Variants in ZAN observed in about 807,000 individuals in gnomAD.
The protein encoded by ZAN is zonadhesin (gene/pseudogene).
A neutral mutation model predicts 286.2 loss-of-function variants in ZAN; 260 were observed. The ratio of observed to expected loss-of-function variants is 0.91; its 90% CI spans 0.82 to 1.01. ZAN has a LOEUF of 1.01. Ranked by LOEUF, ZAN falls within the 50% of genes least tolerant of loss-of-function variation. The pLI is 0.00. For synonymous variants in ZAN, 1,368 were observed against 1,417.5 expected (o/e 0.97, Z 0.79); for missense variants, 3,410 against 3,639.2 (o/e 0.94, Z 1.62).
In ZAN at chr7:100,792,031, C is replaced by A; in HGVS notation, c.7595C>A (p.Ser2532Tyr). 6.2e-7 allele frequency: 1 copy of A among 1,613,322 alleles called. No individual in the cohort carries two copies. Among genetic ancestry groups the A allele is most frequent in the Non-Finnish European group, 8.5e-7 (1 of 1,179,786 alleles). ...GGCCTCCGCACGGGCCTCCAAGTGTCCGAATGTAGCCCGGAGCAGCTGGCG... is the reference window on the plus strand; with the variant it reads ...GGCCTCCGCACGGGCCTCCAAGTGTACGAATGTAGCCCGGAGCAGCTGGCG... ...ELGLRTGLQVSECSPEQLASN... is the reference protein window; with the variant it reads ...ELGLRTGLQVYECSPEQLASN... The change falls in exon 41 of 48, where the codon TCC becomes TAC. Residue 2532 changes from serine to tyrosine, a missense_variant. Physicochemically the swap from Ser to Tyr is moderately radical, Grantham distance 144. This residue lies in a region of ZAN where 1,289 missense variants were observed against 1,314.3 expected (regional missense o/e 0.98). Coordinates refer to ENST00000613979, the MANE Select transcript of ZAN (RefSeq NM_003386.3).
chr7:100,779,483 G>A lies in ZAN; in HGVS notation c.6355G>A (p.Ala2119Thr), dbSNP rs969969221. The A allele has an allele frequency of 3.1e-6, 5 of 1,610,974 alleles. No homozygotes were observed. The Middle Eastern group carries it at 4.9e-4, about 159-fold the overall frequency. ...SLLVDEQQIP[A>T]EQQENPSGNC... The stretch of plus-strand genomic sequence containing the variant: ...CCTGGTAGATGAGCAGCAGATTCCA[G>A]CGGAACAGCAGGAGAACCCGAGTGG... Residue 2119 changes from alanine (A) to threonine (T), a missense_variant, in exon 35 of 48, where the codon GCG becomes ACG. By Grantham distance (58) the Ala-to-Thr change is moderately conservative (BLOSUM62 0). Around this residue, in one of 7 missense-constraint regions of ZAN, gnomAD observed 1,289 missense variants for 1,314.3 expected, o/e 0.98. Coordinates refer to ENST00000613979, the MANE Select transcript of ZAN (RefSeq NM_003386.3).
intron 11 of ZAN, among the ~76,000 whole-genome samples, chr7:100,749,495 C>T (rs1445918381): frequency 6.6e-6 from 1 of 151,416 alleles, no homozygotes; most frequent in Non-Finnish European, 1.5e-5. Context: ...AAAAAATTAG[C>T]CAGGCATGGT....
intron 35 of ZAN, among the ~76,000 whole-genome samples, chr7:100,782,017 T>C (rs1444313491): frequency 2.6e-5 from 4 of 152,166 alleles, no homozygotes; most frequent in East Asian, 1.9e-4. Context: ...TAGGAACCCT[T>C]TGAATTTCCC....
chr7:100,749,484 CA>C (rs1244488271), intron 11 of ZAN, among the ~76,000 whole-genome samples: 1 of 146,584 alleles, frequency 6.8e-6, no homozygotes, highest in Non-Finnish European at 1.5e-5. Flanking sequence ...ACTAAAAACA[CA>C]AAAAATTAGC....
rs753466831 is a variant in ZAN at position 100,767,823 on chromosome 7, C to T, written c.4861-8C>T. ...ACTCTCCTTTCTACGTCCTCCCTGC[C>T]TCTGCAGCTGAATGGCCATCGGGTG... is the stretch of plus-strand genomic sequence containing the variant. On this transcript the variant is annotated splice_region_variant and splice_polypyrimidine_tract_variant and intron_variant, in intron 25 of 47. Transcript: ENST00000613979. 47 of 1,610,868 alleles carry T rather than the reference C, an allele frequency of 2.9e-5. No homozygotes were observed. The highest frequency in any genetic ancestry group is 3.8e-5 in the Non-Finnish European group (45 of 1,178,584).
intron 11 of ZAN, among the ~76,000 whole-genome samples, chr7:100,748,951 G>A (rs1027448174): frequency 2.0e-5 from 3 of 152,008 alleles, no homozygotes; most frequent in African/African-American, 4.8e-5. Flanking sequence ...TGGGAGGATC[G>A]CTTCAGCTCA....
chr7:100,776,353 C>T (rs917211320), intron 33 of ZAN, 87 bp from the exon 34 acceptor site: 1 of 1,453,694 alleles, frequency 6.9e-7, no homozygotes, highest in Non-Finnish European at 9.2e-7. Context: ...AGGAAAACTG[C>T]TCTCGTGAGG....
Position 100,776,599 on chromosome 7 carries a change from CTTTT to C in ZAN, c.6317+37_6317+40del, listed in dbSNP as rs200624015. 2,340 of 1,445,118 alleles carry C rather than the reference CTTTT, an allele frequency of 1.6e-3. 39 individuals are homozygous for C. The African/African-American group carries it at 0.03, about 19-fold the overall frequency. The allele number at this position is 1,445,118 out of a possible 1,614,324, so 89.5% of individuals were successfully genotyped here. On this transcript the variant is annotated intron_variant, in intron 34 of 47. Coordinates refer to ENST00000613979, the MANE Select transcript of ZAN (RefSeq NM_003386.3). ...CCCTAAGACCCTCTAGGTTTTCTTTCTTTTTCTTTCTTTGTCTTTCTTTCTTTCT... is the reference window on the plus strand; with the variant it reads ...CCCTAAGACCCTCTAGGTTTTCTTTCTCTTTCTTTGTCTTTCTTTCTTTCT...
chr7:100,792,669 C>A, intron 42 of ZAN, 190 bp downstream of exon 42: 1 of 1,363,708 alleles, frequency 7.3e-7, no homozygotes, highest in Non-Finnish European at 9.6e-7. Context: ...CGAATTTCTG[C>A]CTTAGTCCCA....
intron 42 of ZAN, 42 bp downstream of exon 42, chr7:100,792,521 G>A (rs2116336244): frequency 1.2e-6 from 2 of 1,611,950 alleles, no homozygotes; most frequent in African/African-American, 1.3e-5. Context: ...GCCCTGGCTG[G>A]CTGGCGGGAC....
intron 14 of ZAN, among the ~76,000 whole-genome samples, chr7:100,754,600 C>A (rs879704712): frequency 1.1e-4 from 17 of 151,846 alleles, no homozygotes; most frequent in Non-Finnish European, 2.2e-4. Flanking sequence ...GCCTCTGGGG[C>A]TCAAGCAACT....
At position 100,748,482 on chromosome 7, in the gene ZAN, G is replaced by C. The variant is rs182996402; in HGVS notation, c.1249+12G>C. The C allele has an allele frequency of 1.2e-3, 1,928 of 1,605,312 alleles. 3 individuals are homozygous for C. Among genetic ancestry groups the C allele is most frequent in the Non-Finnish European group, 1.6e-3 (1,831 of 1,175,864 alleles). On this transcript the variant is annotated intron_variant, in intron 11 of 47. Transcript: ENST00000613979. ...TTTCCCTAATGCAGGTGAGGAGATT[G>C]AGGAGCGCTCACGCCAAGAAATCAC... is the stretch of plus-strand genomic sequence containing the variant.
Position 100,734,446 on chromosome 7 carries a change from C to T in ZAN, c.53+225C>T, listed in dbSNP as rs1182450811. Among the ~76,000 whole-genome samples, 13 of 139,312 alleles carry T rather than the reference C, an allele frequency of 9.3e-5. 2 individuals are homozygous for T. Among genetic ancestry groups the T allele is most frequent in the African/African-American group, 3.1e-4 (12 of 38,252 alleles). The allele number at this position is 139,312 out of a possible 152,430, so 91.4% of individuals were successfully genotyped here. ...CATCCTGGCCAACATGGTGAAACCTCGTCTCTACTAAAAATACAAAAAATT... is the reference window on the plus strand; with the variant it reads ...CATCCTGGCCAACATGGTGAAACCTTGTCTCTACTAAAAATACAAAAAATT... On this transcript the variant is annotated intron_variant, in intron 2 of 47. Coordinates refer to ENST00000613979, the MANE Select transcript of ZAN (RefSeq NM_003386.3).
intron 36 of ZAN, among the ~76,000 whole-genome samples, chr7:100,785,603 T>A (rs1811509347): frequency 6.6e-6 from 1 of 151,792 alleles, no homozygotes; most frequent in Non-Finnish European, 1.5e-5. Flanking sequence ...GCCATTTAGA[T>A]GGTGGGCCAG....
intron 26 of ZAN, among the ~76,000 whole-genome samples, chr7:100,768,399 G>A (rs2116067215): frequency 6.6e-6 from 1 of 152,320 alleles, no homozygotes; most frequent in East Asian, 1.9e-4. Context: ...TTGAACCTGG[G>A]AGGTGGACGT....
intron 26 of ZAN, 82 bp from the exon 27 acceptor site, chr7:100,768,528 A>C (rs1016525390): frequency 1.5e-5 from 17 of 1,138,202 alleles, no homozygotes; most frequent in Middle Eastern, 2.0e-4. Flanking sequence ...ATGAAAAGTG[A>C]GGGTGCCAGG....
chr7:100,738,624 G>A lies in ZAN; in HGVS notation c.766+11G>A. 15 of 1,513,906 alleles carry A rather than the reference G, an allele frequency of 9.9e-6. 4 individuals carry two copies. The highest frequency in any genetic ancestry group is 1.3e-5 in the Non-Finnish European group (14 of 1,102,852). 93.8% of individuals were successfully genotyped at this position (1,513,906 alleles called of 1,614,324 possible). On this transcript the variant is annotated intron_variant, in intron 7 of 47. Transcript: ENST00000613979. The stretch of plus-strand genomic sequence containing the variant: ...TCTCTAGCCCTGGTAGTGAGTAGCG[G>A]CCATGCTTCTGTCCCTTGACTTTCT...
intron 28 of ZAN, among the ~76,000 whole-genome samples, chr7:100,771,413 G>GA (rs1810356370): frequency 6.6e-6 from 1 of 151,614 alleles, no homozygotes; most frequent in Non-Finnish European, 1.5e-5. Flanking sequence ...GCTCAGGCTG[G>GA]AAAATCCAGG....
At chr7:100,743,031 CTT>C (rs555399986) in intron 7 of ZAN, among the ~76,000 whole-genome samples, 6 of 122,264 alleles carry the variant, frequency 4.9e-5, no homozygotes, top group African/African-American at 5.8e-5. Context: ...CTTTTTCTTT[CTT>C]TTTTTTTTTT....
Sources: gnomAD v4.1 joint callset for allele counts (sites outside exome capture counted in the v4.1 genomes callset) on GRCh38, gnomAD v4.1.1 for gene constraint, gnomAD v4.1.1 regional missense constraint, MANE v1.5 for transcripts, NCBI Gene and HGNC (gene_info 2026-07-23, HGNC 2026-07-21) for gene names.